TLK1: variants seen among roughly 807,000 people sequenced by gnomAD.
TLK1 encodes tousled like kinase 1, also known as serine/threonine-protein kinase tousled-like 1.
In TLK1, 24 loss-of-function variants were observed where a neutral mutation model predicts 105.3. The ratio of observed to expected loss-of-function variants is 0.23; its 90% CI spans 0.17 to 0.32. The LOEUF (loss-of-function observed/expected upper bound fraction) is 0.32, where lower values mean the gene tolerates loss of function less well. Ranked by LOEUF, TLK1 falls within the 10% of genes least tolerant of loss-of-function variation. The probability of loss-of-function intolerance (pLI) is 1.00; values close to 1 mark genes in which losing one functional copy is unlikely to be tolerated. For missense variants in TLK1, 558 were observed against 910.5 expected (o/e 0.61, Z 4.98); for synonymous variants, 321 against 310.4 (o/e 1.03, Z -0.36).
At position 171,160,547 on chromosome 2, in the gene TLK1, G is replaced by C; in HGVS notation, c.-119C>G. On this transcript the variant is annotated 5_prime_UTR_variant, in exon 1 of 21. Transcript: ENST00000431350. This position sits in a 1 kb window ranked among gnomAD's most constrained non-coding sequence, Gnocchi z 4.4. ...AGGGCGAGCGAGAGAGCGAGGGCTG[G>C]GAGGGGAGAGTCAAGGGGATGGGGG... 1 of 1,537,922 alleles carries C rather than the reference G, an allele frequency of 6.5e-7. No individual in the cohort carries two copies. Among genetic ancestry groups the C allele is most frequent in the Admixed American group, 2.2e-5 (1 of 44,984 alleles).
intron 2 of TLK1, among the ~76,000 whole-genome samples, chr2:171,115,671 A>G (rs1690392541): frequency 6.6e-6 from 1 of 152,226 alleles, no homozygotes; most frequent in African/African-American, 2.4e-5. Flanking sequence ...TAGACTCTGA[A>G]GCTGATGGTG....
chr2:171,123,124 G>A (rs903231254), intron 1 of TLK1, among the ~76,000 whole-genome samples: 2 of 151,202 alleles, frequency 1.3e-5, no homozygotes, highest in Non-Finnish European at 2.9e-5. Flanking sequence ...TGAAAAGAAT[G>A]AAATTCTTTT....
intron 2 of TLK1, among the ~76,000 whole-genome samples, chr2:171,101,035 A>T (rs1452104438): frequency 6.6e-6 from 1 of 152,176 alleles, no homozygotes; most frequent in Non-Finnish European, 1.5e-5. Context: ...GAACATGAAA[A>T]CATTATGCTA....
intron 2 of TLK1, among the ~76,000 whole-genome samples, chr2:171,087,704 C>A (rs1689045153): frequency 6.6e-6 from 1 of 152,082 alleles, no homozygotes; most frequent in Non-Finnish European, 1.5e-5. Context: ...ATAAAGAAAA[C>A]AATCTTGAAA....
intron 1 of TLK1, 142 bp from the exon 2 acceptor site, chr2:171,117,999 T>C (rs188350131): frequency 3.8e-5 from 19 of 502,988 alleles, no homozygotes. Flanking sequence ...TGAGAGACTT[T>C]ATTTTTAAAT....
intron 1 of TLK1, among the ~76,000 whole-genome samples, chr2:171,151,769 C>T (rs902492477): frequency 6.6e-6 from 1 of 152,084 alleles, no homozygotes; most frequent in African/African-American, 2.4e-5. Context: ...GCCACCGCGC[C>T]CAGCCATGTG....
upstream of TLK1, among the ~76,000 whole-genome samples, chr2:171,161,488 G>A (rs1485741183): frequency 6.6e-6 from 1 of 152,186 alleles, no homozygotes; most frequent in African/African-American, 2.4e-5. Context: ...ATAAACATGG[G>A]TAGTGGGAGA....
At chr2:171,062,258 A>G (rs1687789479) in intron 3 of TLK1, among the ~76,000 whole-genome samples, 1 of 152,232 alleles carries the variant, frequency 6.6e-6, no homozygotes, top group South Asian at 2.1e-4. Flanking sequence ...AGCTCCACTA[A>G]TATTTGACTG....
chr2:171,002,436 G>A (rs536104039), intron 18 of TLK1, among the ~76,000 whole-genome samples: 112 of 151,694 alleles, frequency 7.4e-4, no homozygotes, highest in Non-Finnish European at 1.4e-3. Context: ...CACCATGCCC[G>A]GCTAATTTTT....
chr2:170,998,032 A>G (rs777934065), intron 18 of TLK1, among the ~76,000 whole-genome samples: 1 of 150,466 alleles, frequency 6.6e-6, no homozygotes, highest in Admixed American at 6.7e-5. Flanking sequence ...GATAAAGTTC[A>G]TCTCTATCTA....
At chr2:171,167,894 C>T (rs891167123) in intron 1 of TLK1, among the ~76,000 whole-genome samples, 1 of 152,086 alleles carries the variant, frequency 6.6e-6, no homozygotes, top group African/African-American at 2.4e-5. Flanking sequence ...GCTCATATTA[C>T]AAATTTTGAA....
At chr2:171,159,180 A>G (rs1692351719) in intron 1 of TLK1, among the ~76,000 whole-genome samples, 2 of 152,208 alleles carry the variant, frequency 1.3e-5, no homozygotes. Flanking sequence ...AACATTCACT[A>G]GACGGTTGAA....
chr2:171,135,436 G>A (rs1691274548), intron 1 of TLK1, among the ~76,000 whole-genome samples: 1 of 151,852 alleles, frequency 6.6e-6, no homozygotes, highest in Non-Finnish European at 1.5e-5. Flanking sequence ...TGGAGGCTGA[G>A]GTGGGAGGAT....
intron 3 of TLK1, among the ~76,000 whole-genome samples, chr2:171,062,380 C>T (rs1261334357): frequency 6.6e-6 from 1 of 152,170 alleles, no homozygotes; most frequent in East Asian, 1.9e-4. Context: ...AGTGGGCCTA[C>T]AATTAAATAT....
chr2:171,092,758 CCT>C (rs1689291025), intron 2 of TLK1, among the ~76,000 whole-genome samples: 1 of 152,046 alleles, frequency 6.6e-6, no homozygotes, highest in African/African-American at 2.4e-5. Context: ...AGGATTTTGT[CCT>C]CTGTCTACAA....
At chr2:171,141,460 A>C (rs1274607687) in intron 1 of TLK1, among the ~76,000 whole-genome samples, 1 of 152,200 alleles carries the variant, frequency 6.6e-6, no homozygotes, top group African/African-American at 2.4e-5. Context: ...GAAGTCCTAT[A>C]AACACCAAGC....
intron 12 of TLK1, among the ~76,000 whole-genome samples, chr2:171,021,955 T>C (rs181215525): frequency 9.9e-5 from 15 of 151,486 alleles, no homozygotes; most frequent in Non-Finnish European, 2.1e-4. Context: ...ATATAAAAAT[T>C]AGCCAGGCAT....
intron 11 of TLK1, chr2:171,045,878 AATAATCCAAAAC>A (rs1686939299): frequency 3.7e-6 from 1 of 269,762 alleles, no homozygotes; most frequent in Non-Finnish European, 6.8e-6. Context: ...GTTGAATTAG[AATAATCCAAAAC>A]TTTTAATTGA....
chr2:171,086,180 G>A (rs752396940), intron 2 of TLK1, among the ~76,000 whole-genome samples: 38 of 151,956 alleles, frequency 2.5e-4, no homozygotes, highest in Non-Finnish European at 4.4e-4. Context: ...ATATAAGTAG[G>A]TAGGTAGATG....
Sources: gnomAD v4.1 joint callset for allele counts (sites outside exome capture counted in the v4.1 genomes callset) on GRCh38, gnomAD v4.1.1 for gene constraint, Gnocchi (gnomAD v3.1) non-coding constraint, MANE v1.5 for transcripts, NCBI Gene and HGNC (gene_info 2026-07-23, HGNC 2026-07-21) for gene names.